TM4SF4: variants seen among roughly 807,000 people sequenced by gnomAD.
TM4SF4 encodes transmembrane 4 L six family member 4, also known as transmembrane 4 L6 family member 4.
TM4SF4 carries 24 observed loss-of-function variants against 24.1 expected under a neutral mutation model. The ratio of observed to expected loss-of-function variants is 1.00; its 90% confidence interval spans 0.72 to 1.40. The LOEUF (loss-of-function observed/expected upper bound fraction) is 1.40. Among genes scored for constraint, TM4SF4 ranks in the 40% most tolerant of loss-of-function variants. TM4SF4 has a pLI of 0.00. For missense variants in TM4SF4, 254 were observed against 254.2 expected, an observed-to-expected ratio of 1.00 and a Z score of 0.01; for synonymous variants, 113 against 97.0, an observed-to-expected ratio of 1.17 and a Z score of -0.97.
chr3:149,479,120 A>AT (rs751565405), intron 2 of TM4SF4, among the ~76,000 whole-genome samples: 1 of 151,928 alleles, frequency 6.6e-6, no homozygotes, highest in Non-Finnish European at 1.5e-5. Context: ...GAGAGAGAAC[A>AT]TTTTTTCCCC....
rs138265005 is a variant in TM4SF4 at position 149,498,733 on chromosome 3, A to G, written c.413A>G (p.Asn138Ser). 53 of 1,613,902 alleles carry G rather than the reference A, an allele frequency of 3.3e-5. No homozygotes were observed. The African/African-American group carries it at 4.1e-4, about 13-fold the overall frequency. The change falls in exon 4 of 5, where the codon AAT (asparagine) becomes AGT (serine). Residue 138 changes from asparagine to serine, a missense_variant. Physicochemically the swap from Asn to Ser is conservative, Grantham distance 46. Transcript: ENST00000305354. ...TATATCACCAACAGGGATTATCTCA[A>G]TGATGAGGCCTTATGGAACAAGTGC... The part of the protein sequence containing the change: ...GYPFHDGDYL[N>S]DEALWNKCRE...
intron 3 of TM4SF4, among the ~76,000 whole-genome samples, chr3:149,491,099 CAAG>C (rs1409268255): frequency 2.6e-5 from 4 of 151,772 alleles, no homozygotes; most frequent in African/African-American, 4.8e-5. Context: ...AAATGAAGCT[CAAG>C]AAGGTTAATT....
chr3:149,478,867 A>C (rs1412671707), intron 2 of TM4SF4, among the ~76,000 whole-genome samples: 1 of 152,002 alleles, frequency 6.6e-6, no homozygotes, highest in Non-Finnish European at 1.5e-5. Flanking sequence ...GGGTACAAGC[A>C]ATTCTCCTGC....
chr3:149,497,805 C>G (rs548518920), intron 3 of TM4SF4, among the ~76,000 whole-genome samples: 1 of 152,200 alleles, frequency 6.6e-6, no homozygotes, highest in African/African-American at 2.4e-5. Context: ...CCAGCATGCC[C>G]AGCTAATTTT....
chr3:149,481,777 T>C (rs930768951), intron 2 of TM4SF4, among the ~76,000 whole-genome samples: 6 of 152,182 alleles, frequency 3.9e-5, no homozygotes, highest in Non-Finnish European at 8.8e-5. Context: ...TCTCAGGCCT[T>C]CTTATCTACT....
At chr3:149,489,093 T>A (rs1234507351) in intron 3 of TM4SF4, among the ~76,000 whole-genome samples, 4 of 152,224 alleles carry the variant, frequency 2.6e-5, no homozygotes, top group Non-Finnish European at 5.9e-5. Context: ...TCATACCTTG[T>A]GCAGCGGTTT....
At chr3:149,491,728 G>A (rs945567565) in intron 3 of TM4SF4, among the ~76,000 whole-genome samples, 2 of 152,178 alleles carry the variant, frequency 1.3e-5, no homozygotes, top group Non-Finnish European at 2.9e-5. Context: ...AATGCAGAAA[G>A]TGTGAGATGG....
At chr3:149,483,641 C>T (rs1165305068) in intron 2 of TM4SF4, among the ~76,000 whole-genome samples, 4 of 151,830 alleles carry the variant, frequency 2.6e-5, no homozygotes, top group Non-Finnish European at 5.9e-5. Flanking sequence ...TCTTATTTTC[C>T]CATAAAGAAA....
rs536536945 is a variant in TM4SF4 at position 149,502,636 on chromosome 3, A to G, written c.592-40A>G. The G allele has an allele frequency of 7.9e-5, 123 of 1,549,570 alleles. No homozygotes were observed. In the East Asian group the frequency reaches 2.7e-3, roughly 34 times the overall value. ...AGGGGAAAAGCAAAAATTTACATAA[A>G]TCATGACATCATAGTTAATTCACCT... On this transcript the variant is annotated intron_variant, in intron 4 of 4. Transcript: ENST00000305354.
chr3:149,495,239 A>G (rs2107874809), intron 3 of TM4SF4: 1 of 207,190 alleles, frequency 4.8e-6, no homozygotes, highest in Non-Finnish European at 1.0e-5. Context: ...AATGGTGACA[A>G]TATGCTAGAG....
chr3:149,475,999 A>G, intron 2 of TM4SF4, 87 bp downstream of exon 2: 1 of 1,148,108 alleles, frequency 8.7e-7, no homozygotes. Context: ...GAGACAAGTT[A>G]TCAGCTCCAG....
At chr3:149,501,153 T>C (rs1198351428) in intron 4 of TM4SF4, among the ~76,000 whole-genome samples, 1 of 152,198 alleles carries the variant, frequency 6.6e-6, no homozygotes, top group Non-Finnish European at 1.5e-5. Flanking sequence ...TGTCAGCACG[T>C]TGGTTCCTTT....
chr3:149,501,070 T>G (rs1198104772), intron 4 of TM4SF4, among the ~76,000 whole-genome samples: 1 of 151,144 alleles, frequency 6.6e-6, no homozygotes, highest in Non-Finnish European at 1.5e-5. Flanking sequence ...GAAAATATGA[T>G]TACTCTTTGA....
intron 2 of TM4SF4, among the ~76,000 whole-genome samples, chr3:149,483,240 T>C (rs1734065120): frequency 6.6e-6 from 1 of 152,182 alleles, no homozygotes; most frequent in Non-Finnish European, 1.5e-5. Context: ...ACTAGCTGTA[T>C]CTAACTGAAC....
rs1411914537 is a variant in TM4SF4, at chr3:149,474,920, A to AT, written c.45dup (p.Pro16SerfsTer10). The stretch of plus-strand genomic sequence containing the variant: ...TGCCAGATGCCTGGGGGGGACCCTC[A>AT]TTCCCCTTGCTTTTTTTGGCTTCCT... On this transcript the variant is annotated frameshift_variant, in exon 1 of 5. Transcript: ENST00000305354. LOFTEE classifies it high-confidence loss of function. 11 of 1,613,800 alleles carry AT rather than the reference A, an allele frequency of 6.8e-6. No homozygotes were observed. The highest frequency in any genetic ancestry group is 1.3e-5 in the African/African-American group (1 of 74,906).
chr3:149,501,141 G>C (rs1425528206), intron 4 of TM4SF4, among the ~76,000 whole-genome samples: 2 of 152,072 alleles, frequency 1.3e-5, no homozygotes, highest in Non-Finnish European at 2.9e-5. Context: ...CACATTCATA[G>C]GTGTCAGCAC....
At chr3:149,490,801 A>T (rs1441235554) in intron 3 of TM4SF4, among the ~76,000 whole-genome samples, 3 of 152,214 alleles carry the variant, frequency 2.0e-5, no homozygotes, top group Non-Finnish European at 4.4e-5. Context: ...GAGAGTAGAA[A>T]GGATCAGTCA....
chr3:149,484,677 G>A lies in TM4SF4; in HGVS notation c.265-2942G>A, dbSNP rs538019944. On this transcript the variant is annotated intron_variant, in intron 2 of 4. Coordinates refer to ENST00000305354, the MANE Select transcript of TM4SF4 (RefSeq NM_004617.4). ...AGCAATTCTTCTGCCTTGGCCTCCC[G>A]AGTAACTGGGAAAATAGGCATGCAC... is the stretch of plus-strand genomic sequence containing the variant. Among the ~76,000 whole-genome samples the A allele has an allele frequency of 4.6e-5, 7 of 151,822 alleles. 1 individual carries two copies. The South Asian group carries it at 6.2e-4, about 14-fold the overall frequency.
chr3:149,487,834 C>T lies in TM4SF4; in HGVS notation c.401+79C>T, dbSNP rs941501702. The T allele has an allele frequency of 3.2e-6, 5 of 1,560,574 alleles. No individual in the cohort carries two copies. In the South Asian group the frequency reaches 3.4e-5, roughly 11 times the overall value. On this transcript the variant is annotated intron_variant, in intron 3 of 4. Transcript: ENST00000305354. The stretch of plus-strand genomic sequence containing the variant: ...AAATTGCCCAAGGGGAGACTGCACA[C>T]AATGCCATGTCTTCATCCTTATGCA...
Sources: allele counts gnomAD v4.1 joint callset (sites outside exome capture counted in the v4.1 genomes callset), GRCh38; gene constraint gnomAD v4.1.1; transcripts MANE v1.5; gene names NCBI Gene and HGNC (gene_info 2026-07-23, HGNC 2026-07-21).